Variants in TSC1 observed in about 807,000 individuals in gnomAD.
TSC1 encodes TSC complex subunit 1.
In TSC1, 20 loss-of-function variants were observed where a neutral mutation model predicts 124.3. That is an observed-to-expected ratio of 0.16 (90% confidence interval 0.11 to 0.23). The LOEUF (loss-of-function observed/expected upper bound fraction) is 0.23, where lower values mean the gene tolerates loss of function less well. Ranked by LOEUF, TSC1 falls within the 10% of genes least tolerant of loss-of-function variation. The pLI is 1.00. For synonymous variants in TSC1, 493 were observed against 539.1 expected (o/e 0.91, Z 1.19); for missense variants, 1,124 against 1,448.5 (o/e 0.78, Z 3.64).
At chr9:132,915,176 C>A (rs183454561) in intron 8 of TSC1, among the ~76,000 whole-genome samples, 1 of 151,852 alleles carries the variant, frequency 6.6e-6, no homozygotes, top group African/African-American at 2.4e-5. Context: ...CAGAGCAAGA[C>A]CCTGTCTCAG....
intron 20 of TSC1, 23 bp from the exon 21 acceptor site, chr9:132,897,633 A>G (rs997602814): frequency 4.5e-6 from 7 of 1,555,388 alleles, no homozygotes; most frequent in Non-Finnish European, 6.1e-6. Flanking sequence ...AAAAAAAAAG[A>G]CTGGAATTAG....
chr9:132,925,522 T>A (rs2132226716), intron 5 of TSC1, 65 bp downstream of exon 5: 2 of 1,600,694 alleles, frequency 1.2e-6, no homozygotes, highest in Middle Eastern at 1.7e-4. Context: ...TTGCTTTAAG[T>A]TGCCTAAAAT....
chr9:132,923,912 T>TAAA lies in TSC1; in HGVS notation c.364-423_364-421dup, dbSNP rs201437567. Among the ~76,000 whole-genome samples, 2 of 141,016 alleles carry TAAA rather than the reference T, an allele frequency of 1.4e-5. No homozygotes were observed. Among genetic ancestry groups the TAAA allele is most frequent in the African/African-American group, 2.6e-5 (1 of 38,636 alleles). The allele number at this position is 141,016 out of a possible 152,430, so 92.5% of individuals were successfully genotyped here. On this transcript the variant is annotated intron_variant, in intron 5 of 22. Coordinates refer to ENST00000298552, the MANE Select transcript of TSC1 (RefSeq NM_000368.5). This position sits in a 1 kb window ranked among gnomAD's most constrained non-coding sequence, Gnocchi z 4.2. ...CCTAAGATACTTACTTTTTGTTAAT[T>TAAA]AAAAAAAAAAAAAACTGCACATTGA... is the stretch of plus-strand genomic sequence containing the variant.
chr9:132,922,937 C>A (rs1171541306), intron 6 of TSC1, among the ~76,000 whole-genome samples: 1 of 152,122 alleles, frequency 6.6e-6, no homozygotes, highest in African/African-American at 2.4e-5. Context: ...TTCCCTCTGA[C>A]TCCTACAGGT....
intron 8 of TSC1, among the ~76,000 whole-genome samples, chr9:132,919,789 C>T (rs1321055118): frequency 6.6e-6 from 1 of 152,164 alleles, no homozygotes; most frequent in Non-Finnish European, 1.5e-5. Flanking sequence ...ACAGCAGCTG[C>T]CAAGAGACAG....
chr9:132,918,818 G>A (rs73552854), intron 8 of TSC1, among the ~76,000 whole-genome samples: 191 of 152,274 alleles, frequency 1.3e-3, no homozygotes, highest in African/African-American at 3.4e-3. Flanking sequence ...CCACCACTGT[G>A]AACAAAGCTG....
At chr9:132,937,899 A>G (rs1847546052) in intron 1 of TSC1, among the ~76,000 whole-genome samples, 1 of 152,104 alleles carries the variant, frequency 6.6e-6, no homozygotes, top group African/African-American at 2.4e-5. Flanking sequence ...ATTTTTTTGT[A>G]GAGACAGGGT....
intron 8 of TSC1, among the ~76,000 whole-genome samples, chr9:132,913,897 T>C (rs868411651): frequency 2.2e-5 from 2 of 92,460 alleles, no homozygotes; most frequent in Non-Finnish European, 4.3e-5. Flanking sequence ...TTTTGTTTTT[T>C]TTTTTTTTTT....
intron 18 of TSC1, chr9:132,901,979 G>A: frequency 2.6e-6 from 1 of 385,696 alleles, no homozygotes; most frequent in African/African-American, 2.1e-5. Flanking sequence ...CAGGGATGCT[G>A]CAGAAAGATT....
Position 132,891,931 on chromosome 9 carries a change from C to T in TSC1, c.*4304G>A, listed in dbSNP as rs1844789074. ...CTCTCAGGGTTTCCACTGAAAGGTC[C>T]ATTCCAATGGTTAAACCAGCCTACT... On this transcript the variant is annotated 3_prime_UTR_variant, in exon 23 of 23. Coordinates refer to ENST00000298552, the MANE Select transcript of TSC1 (RefSeq NM_000368.5). 4.3e-6 allele frequency: 1 copy of T among 233,212 alleles called. No homozygotes were observed. Among genetic ancestry groups the T allele is most frequent in the African/African-American group, 2.2e-5 (1 of 45,310 alleles). The allele number at this position is 233,212 out of a possible 1,614,324, so 14.4% of individuals were successfully genotyped here.
At chr9:132,907,461 T>C in intron 12 of TSC1, 91 bp from the exon 13 acceptor site, 1 of 1,005,222 alleles carries the variant, frequency 9.9e-7, no homozygotes, top group Non-Finnish European at 1.6e-6. Context: ...GTCAGCCGAG[T>C]GCAGTGATTC....
At chr9:132,915,237 G>A (rs922611668) in intron 8 of TSC1, among the ~76,000 whole-genome samples, 2 of 151,864 alleles carry the variant, frequency 1.3e-5, no homozygotes, top group Non-Finnish European at 2.9e-5. Flanking sequence ...CTCAGCCACC[G>A]GGGAGGCTGA....
chr9:132,918,129 A>G (rs942081546), intron 8 of TSC1, among the ~76,000 whole-genome samples: 6 of 152,224 alleles, frequency 3.9e-5, no homozygotes, highest in Non-Finnish European at 8.8e-5. Context: ...CCCACTGTCT[A>G]CAGTAAAGAC....
In TSC1 at chr9:132,906,468, G is replaced by C. The variant is rs1845677693; in HGVS notation, c.1438+263C>G. The C allele has an allele frequency of 3.8e-6, 2 of 525,492 alleles. No individual in the cohort carries two copies. The highest frequency in any genetic ancestry group is 5.3e-4 in the Middle Eastern group (1 of 1,870). The allele number at this position is 525,492 out of a possible 1,614,324, so 32.6% of individuals were successfully genotyped here. On this transcript the variant is annotated intron_variant, in intron 14 of 22. Coordinates refer to ENST00000298552, the MANE Select transcript of TSC1 (RefSeq NM_000368.5). The surrounding 1 kb of genome is among the most constrained non-coding windows in gnomAD (Gnocchi z 4.1). ...GGAGGCTGAGGTGGGCGGATTGCTT[G>C]AGCCTGGGAGGTCAAGGCTGCAGTG...
At chr9:132,927,521 C>CTTTTTTTTTTTTTTT (rs57259325) in intron 3 of TSC1, among the ~76,000 whole-genome samples, 2 of 103,938 alleles carry the variant, frequency 1.9e-5, no homozygotes, top group Non-Finnish European at 3.7e-5. Flanking sequence ...TTTTTATTGC[C>CTTTTTTTTTTTTTTT]TTTTTTTTTT....
At chr9:132,944,230 G>A (rs1847924360) in intron 1 of TSC1, among the ~76,000 whole-genome samples, 1 of 152,052 alleles carries the variant, frequency 6.6e-6, no homozygotes, top group Non-Finnish European at 1.5e-5. Flanking sequence ...ACTGACGAAG[G>A]GGCCCACCTC....
chr9:132,932,736 A>G (rs915570862), intron 2 of TSC1, among the ~76,000 whole-genome samples: 5 of 152,124 alleles, frequency 3.3e-5, no homozygotes, highest in Admixed American at 1.3e-4. Context: ...TTTCTTGCTC[A>G]AGGCCTTTGC....
At position 132,905,703 on chromosome 9, in the gene TSC1, C is replaced by T. The variant is rs2131816843; in HGVS notation, c.1875G>A (p.Glu625=). The change falls in exon 15 of 23, where the codon GAG becomes GAA. Residue 625 remains glutamate, a synonymous_variant. Coordinates refer to ENST00000298552, the MANE Select transcript of TSC1 (RefSeq NM_000368.5). ...TTCCTTTTGCTTTCTTTAACAGCTC[C>T]TCAGTCTTCCTGATGACAAAATGAT... is the stretch of plus-strand genomic sequence containing the variant. ...TAHHFVIRKT[E]ELLKKAKGNT... 6.2e-7 allele frequency: 1 copy of T among 1,614,198 alleles called. No individual in the cohort carries two copies. The highest frequency in any genetic ancestry group is 8.5e-7 in the Non-Finnish European group (1 of 1,180,028).
chr9:132,945,182 C>T (rs1341979201), upstream of TSC1: 1 of 152,236 alleles, frequency 6.6e-6, no homozygotes, highest in Non-Finnish European at 1.5e-5. Flanking sequence ...AGTTGCAGCT[C>T]ACCTGGGAAG....
Sources: gnomAD v4.1 joint callset for allele counts (sites outside exome capture counted in the v4.1 genomes callset) on GRCh38, gnomAD v4.1.1 for gene constraint, Gnocchi (gnomAD v3.1) non-coding constraint, MANE v1.5 for transcripts, NCBI Gene and HGNC (gene_info 2026-07-23, HGNC 2026-07-21) for gene names.